TOM1: variants seen among roughly 807,000 people sequenced by gnomAD.
TOM1 encodes target of myb1 membrane trafficking protein.
Under a neutral mutation model 61.3 loss-of-function variants are expected in TOM1, and 38 were observed. The observed-to-expected ratio is 0.62, with a 90% confidence interval of 0.48 to 0.81. TOM1 has a LOEUF of 0.81. Ranked by LOEUF, TOM1 falls within the 40% of genes least tolerant of loss-of-function variation. TOM1 has a pLI of 0.00. For missense variants in TOM1, 591 were observed against 659.6 expected (o/e 0.90, Z 1.14); for synonymous variants, 270 against 268.8 (o/e 1.00, Z -0.04).
chr22:35,343,761 CTACACA>C lies in TOM1; in HGVS notation c.1225-1957_1225-1952del, dbSNP rs543762079. The stretch of plus-strand genomic sequence containing the variant: ...CACACCTACACACACACCCCTACAC[CTACACA>C]TACACACCTACACACACCACACACC... On this transcript the variant is annotated intron_variant, in intron 12 of 14. Transcript: ENST00000449058. Among the ~76,000 whole-genome samples, 23 of 103,334 alleles carry C rather than the reference CTACACA, an allele frequency of 2.2e-4. No individual in the cohort carries two copies. The East Asian group carries it at 0.011, about 49-fold the overall frequency. 67.8% of individuals were successfully genotyped at this position (103,334 alleles called of 152,430 possible).
In TOM1 at chr22:35,323,167, A is replaced by G. The variant is rs761517973; in HGVS notation, c.356A>G (p.Asn119Ser). Residue 119 changes from asparagine (N) to serine (S), a missense_variant, in exon 4 of 15, where the codon AAC becomes AGC. Physicochemically the swap from Asn to Ser is conservative, Grantham distance 46. Coordinates refer to ENST00000449058, the MANE Select transcript of TOM1 (RefSeq NM_005488.3). The surrounding 1 kb of genome is among the most constrained non-coding windows in gnomAD (Gnocchi z 4.2). ...PPTIVHDKVL[N>S]LIQSWADAFR... ...ACCATCGTGCATGACAAAGTGCTCAACCTCATCCAGGTGAGTGCCAGGACA... is the reference window on the plus strand; with the variant it reads ...ACCATCGTGCATGACAAAGTGCTCAGCCTCATCCAGGTGAGTGCCAGGACA... 60 of 1,613,728 alleles carry G rather than the reference A, an allele frequency of 3.7e-5. No individual in the cohort carries two copies. The highest frequency in any genetic ancestry group is 4.8e-5 in the Non-Finnish European group (57 of 1,180,020).
At chr22:35,336,012 G>A (rs543327991) in intron 11 of TOM1, among the ~76,000 whole-genome samples, 8 of 152,314 alleles carry the variant, frequency 5.3e-5, no homozygotes, top group African/African-American at 1.9e-4. Context: ...TGAGAGGGTG[G>A]TGGGGCCCAC....
chr22:35,343,877 ACT>A (rs1930254548), intron 12 of TOM1, among the ~76,000 whole-genome samples: 1 of 132,230 alleles, frequency 7.6e-6, no homozygotes, highest in African/African-American at 2.9e-5. Context: ...ACCCCTACAC[ACT>A]CATACACCTA....
chr22:35,335,701 CAAG>C (rs1268593910), intron 11 of TOM1: 1 of 154,984 alleles, frequency 6.5e-6, no homozygotes, highest in African/African-American at 2.4e-5. Flanking sequence ...GAAAAGCACA[CAAG>C]GAACTTGTCC....
At chr22:35,339,023 T>C (rs1202290288) in intron 12 of TOM1, among the ~76,000 whole-genome samples, 1 of 152,220 alleles carries the variant, frequency 6.6e-6, no homozygotes, top group Non-Finnish European at 1.5e-5. Flanking sequence ...GATTCAGACC[T>C]GAGCCTGACT....
rs201707838 is a variant in TOM1, at chr22:35,343,678, ACAC to A, written c.1225-2043_1225-2041del. Among the ~76,000 whole-genome samples the A allele has an allele frequency of 1.7e-3, 234 of 136,428 alleles. 5 individuals carry two copies. The East Asian group carries it at 0.037, about 22-fold the overall frequency. The allele number at this position is 136,428 out of a possible 152,430, so 89.5% of individuals were successfully genotyped here. ...CATACACCTACACACACCCTTACACACACCACACCTACACACTCATACACCTAC... is the reference window on the plus strand; with the variant it reads ...CATACACCTACACACACCCTTACACACACACCTACACACTCATACACCTAC... On this transcript the variant is annotated intron_variant, in intron 12 of 14. Transcript: ENST00000449058.
At chr22:35,314,969 T>A (rs1927159126) in intron 1 of TOM1, among the ~76,000 whole-genome samples, 1 of 152,262 alleles carries the variant, frequency 6.6e-6, no homozygotes, top group South Asian at 2.1e-4. Context: ...CTTGATATTC[T>A]ATGGCATATA....
At chr22:35,325,373 C>T (rs574836293) in intron 6 of TOM1, among the ~76,000 whole-genome samples, 1 of 152,318 alleles carries the variant, frequency 6.6e-6, no homozygotes, top group South Asian at 2.1e-4. Context: ...AATCACCCCT[C>T]AGAGTTACAG....
At chr22:35,333,676 G>A (rs1244633601) in intron 10 of TOM1, among the ~76,000 whole-genome samples, 179 bp downstream of exon 10, 1 of 152,156 alleles carries the variant, frequency 6.6e-6, no homozygotes, top group East Asian at 1.9e-4. Flanking sequence ...ACTGCCCCTG[G>A]CAGCCCCACA....
At chr22:35,339,728 C>T (rs1405701203) in intron 12 of TOM1, among the ~76,000 whole-genome samples, 2 of 151,858 alleles carry the variant, frequency 1.3e-5, no homozygotes, top group African/African-American at 2.4e-5. Context: ...AACGGTGAAA[C>T]CCCGTCTCTA....
At chr22:35,311,401 C>T (rs773620607) in intron 1 of TOM1, among the ~76,000 whole-genome samples, 14 of 152,248 alleles carry the variant, frequency 9.2e-5, no homozygotes, top group Non-Finnish European at 1.8e-4. Context: ...TTGGCAGTTT[C>T]AGGGTGGGTT....
At chr22:35,334,705 T>C (rs1218502429) in intron 11 of TOM1, among the ~76,000 whole-genome samples, 1 of 152,116 alleles carries the variant, frequency 6.6e-6, no homozygotes. Flanking sequence ...TTACATAGTC[T>C]GATCAGAGGG....
intron 1 of TOM1, among the ~76,000 whole-genome samples, chr22:35,304,300 A>G (rs1926119385): frequency 6.6e-6 from 1 of 152,024 alleles, no homozygotes; most frequent in Non-Finnish European, 1.5e-5. Context: ...TGGGTCTCAC[A>G]CTTGCAGGCC....
chr22:35,346,893 C>T (rs202087522), intron 13 of TOM1, 37 bp from the exon 14 acceptor site: 629 of 1,604,974 alleles, frequency 3.9e-4, no homozygotes, highest in Non-Finnish European at 5.1e-4. Context: ...ACTGGGGGCC[C>T]GGCTAACCTC....
intron 12 of TOM1, among the ~76,000 whole-genome samples, chr22:35,339,630 C>T (rs1213580638): frequency 2.0e-5 from 3 of 152,148 alleles, no homozygotes; most frequent in African/African-American, 7.2e-5. Context: ...CCTGGCCAGG[C>T]GCAGTGGCTC....
At chr22:35,340,143 A>G (rs1427444953) in intron 12 of TOM1, among the ~76,000 whole-genome samples, 1 of 152,224 alleles carries the variant, frequency 6.6e-6, no homozygotes, top group Non-Finnish European at 1.5e-5. Context: ...GCAAGTGAGC[A>G]GACAGAGCAG....
intron 3 of TOM1, among the ~76,000 whole-genome samples, chr22:35,322,770 G>A (rs765949592): frequency 1.5e-4 from 23 of 152,248 alleles, no homozygotes; most frequent in Non-Finnish European, 2.9e-4. Flanking sequence ...GGGATTCTGC[G>A]TGCACTGACG....
chr22:35,339,505 G>A (rs1929682928), intron 12 of TOM1, among the ~76,000 whole-genome samples: 1 of 152,182 alleles, frequency 6.6e-6, no homozygotes, highest in Non-Finnish European at 1.5e-5. Flanking sequence ...AGTGTGAGAG[G>A]ATATATTTAG....
chr22:35,335,807 T>C, intron 11 of TOM1: 1 of 154,932 alleles, frequency 6.5e-6, no homozygotes, highest in Middle Eastern at 5.2e-4. Context: ...CCAGGCTCTG[T>C]GGACACAGAG....
Sources: gnomAD v4.1 joint callset for allele counts (sites outside exome capture counted in the v4.1 genomes callset) on GRCh38, gnomAD v4.1.1 for gene constraint, Gnocchi (gnomAD v3.1) non-coding constraint, MANE v1.5 for transcripts, NCBI Gene and HGNC (gene_info 2026-07-23, HGNC 2026-07-21) for gene names.